Variants in FSTL4 observed in about 807,000 individuals in gnomAD.
The protein encoded by FSTL4 is follistatin-related protein 4.
FSTL4 carries 28 observed loss-of-function variants against 78.2 expected under a neutral mutation model. That is an observed-to-expected ratio of 0.36 (90% CI 0.27 to 0.49). The LOEUF is 0.49. Ranked by LOEUF, FSTL4 falls within the 20% of genes least tolerant of loss-of-function variation. The pLI is 0.98. For missense variants in FSTL4, 922 were observed against 1,084.9 expected, an observed-to-expected ratio of 0.85 and a Z score of 2.11; for synonymous variants, 422 against 440.5, an observed-to-expected ratio of 0.96 and a Z score of 0.53.
intron 3 of FSTL4, among the ~76,000 whole-genome samples, chr5:133,484,629 A>G (rs1286885341): frequency 2.0e-5 from 3 of 152,174 alleles, no homozygotes; most frequent in Admixed American, 2.0e-4. Flanking sequence ...CCACTGCTGT[A>G]TCTGCACTTG....
At chr5:133,301,408 G>A (rs1026824599) in intron 6 of FSTL4, among the ~76,000 whole-genome samples, 1 of 152,204 alleles carries the variant, frequency 6.6e-6, no homozygotes, top group Non-Finnish European at 1.5e-5. Flanking sequence ...GCAGCCTGCA[G>A]TGTTTGCTGG....
At chr5:133,579,423 T>C (rs1760355184) in intron 2 of FSTL4, among the ~76,000 whole-genome samples, 1 of 152,198 alleles carries the variant, frequency 6.6e-6, no homozygotes, top group Non-Finnish European at 1.5e-5. Flanking sequence ...GATGCGTTCC[T>C]CATTCTGAGA....
the FSTL4 span, among the ~76,000 whole-genome samples, chr5:133,657,774 T>G: frequency 1.8e-5 from 2 of 111,064 alleles, no homozygotes; most frequent in South Asian, 2.9e-4. Context: ...TTGTTTTTTT[T>G]GTTTTTTTTT....
chr5:133,701,774 C>T, the FSTL4 span, among the ~76,000 whole-genome samples: 4 of 152,104 alleles, frequency 2.6e-5, no homozygotes, highest in African/African-American at 7.2e-5. Flanking sequence ...AACACGTTTG[C>T]GTGTTTTCCC....
the FSTL4 span, among the ~76,000 whole-genome samples, chr5:133,707,191 G>A: frequency 6.6e-6 from 1 of 152,122 alleles, no homozygotes; most frequent in South Asian, 2.1e-4. Flanking sequence ...CAATCCTGTG[G>A]CAGGATTTGT....
chr5:133,841,321 T>C, the FSTL4 span, among the ~76,000 whole-genome samples: 2 of 152,230 alleles, frequency 1.3e-5, no homozygotes, highest in Non-Finnish European at 2.9e-5. Flanking sequence ...CTATAATCTC[T>C]GTAGCCATCC....
chr5:133,341,086 G>A (rs1754570254), intron 4 of FSTL4, among the ~76,000 whole-genome samples: 1 of 152,166 alleles, frequency 6.6e-6, no homozygotes, highest in Non-Finnish European at 1.5e-5. Context: ...GCATCACACA[G>A]CAGGGAGAGA....
At chr5:133,334,590 T>C (rs1754423484) in intron 4 of FSTL4, among the ~76,000 whole-genome samples, 1 of 152,254 alleles carries the variant, frequency 6.6e-6, no homozygotes, top group Admixed American at 6.5e-5. Context: ...TTATGACTTA[T>C]TCATTTTCTC....
chr5:133,335,568 C>T (rs560470944), intron 4 of FSTL4, among the ~76,000 whole-genome samples: 7 of 152,036 alleles, frequency 4.6e-5, no homozygotes, highest in Middle Eastern at 3.4e-3. Flanking sequence ...CATGGTTGGC[C>T]TCCTCTACCT....
chr5:133,665,138 G>A, the FSTL4 span, among the ~76,000 whole-genome samples: 1 of 152,152 alleles, frequency 6.6e-6, no homozygotes, highest in East Asian at 1.9e-4. Flanking sequence ...CCACACCAAC[G>A]ACTAAGACCC....
At chr5:133,474,744 C>T (rs1757894148) in intron 3 of FSTL4, among the ~76,000 whole-genome samples, 1 of 152,190 alleles carries the variant, frequency 6.6e-6, no homozygotes, top group Non-Finnish European at 1.5e-5. Context: ...ACTGGCTCAC[C>T]AATGATTACT....
chr5:133,520,954 T>C (rs1476773831), intron 3 of FSTL4, among the ~76,000 whole-genome samples: 4 of 152,164 alleles, frequency 2.6e-5, no homozygotes, highest in Non-Finnish European at 5.9e-5. Context: ...AGAAGCACCA[T>C]GTAAGGAAAG....
chr5:133,771,735 C>T, the FSTL4 span, among the ~76,000 whole-genome samples: 4 of 151,744 alleles, frequency 2.6e-5, no homozygotes, highest in Admixed American at 6.6e-5. Context: ...ATTTTTTTCT[C>T]CCGCCTGATT....
At chr5:133,283,314 C>T (rs372892557) in intron 6 of FSTL4, among the ~76,000 whole-genome samples, 9 of 152,106 alleles carry the variant, frequency 5.9e-5, no homozygotes, top group Non-Finnish European at 8.8e-5. Context: ...GGGGCCATGC[C>T]GTGCCTTGAG....
intron 3 of FSTL4, among the ~76,000 whole-genome samples, chr5:133,491,638 G>A (rs779944867): frequency 6.6e-6 from 1 of 152,098 alleles, no homozygotes; most frequent in Admixed American, 6.6e-5. Context: ...TCCTGACCTC[G>A]TGATCCACCC....
chr5:133,547,692 C>T (rs1759610823), intron 3 of FSTL4, among the ~76,000 whole-genome samples: 2 of 152,142 alleles, frequency 1.3e-5, no homozygotes, highest in Non-Finnish European at 1.5e-5. Flanking sequence ...TTGCATTTGC[C>T]CTTTTGGCAA....
intron 6 of FSTL4, among the ~76,000 whole-genome samples, chr5:133,264,087 G>A (rs1752592993): frequency 6.6e-6 from 1 of 152,176 alleles, no homozygotes; most frequent in Non-Finnish European, 1.5e-5. Context: ...AACTTGGGGA[G>A]GGGGTGGTTT....
At chr5:133,788,873 A>G in the FSTL4 span, among the ~76,000 whole-genome samples, 1 of 152,226 alleles carries the variant, frequency 6.6e-6, no homozygotes, top group Non-Finnish European at 1.5e-5. Flanking sequence ...TAGGGCCTCC[A>G]GAGCAGCAGA....
intron 2 of FSTL4, among the ~76,000 whole-genome samples, chr5:133,571,290 T>A (rs1389208335): frequency 6.6e-6 from 1 of 152,140 alleles, no homozygotes; most frequent in Non-Finnish European, 1.5e-5. Context: ...CAGGACTCTA[T>A]CTGTCTAACA....
Sources: allele counts gnomAD v4.1 joint callset (sites outside exome capture counted in the v4.1 genomes callset), GRCh38; gene constraint gnomAD v4.1.1; transcripts MANE v1.5; gene names NCBI Gene and HGNC (gene_info 2026-07-23, HGNC 2026-07-21).